The following LRRC7 variants were observed in gnomAD, a reference collection of about 807,000 sequenced individuals.
LRRC7 encodes the protein leucine rich repeat containing 7.
LRRC7 carries 23 observed loss-of-function variants against 175.7 expected under a neutral mutation model. That is an observed-to-expected ratio of 0.13 (90% confidence interval 0.09 to 0.19). The LOEUF is 0.19. Ranked by LOEUF, LRRC7 falls within the 10% of genes least tolerant of loss-of-function variation. The pLI is 1.00. For missense variants in LRRC7, 1,354 were observed against 1,904.7 expected (o/e 0.71, Z 5.38); for synonymous variants, 685 against 680.9 (o/e 1.01, Z -0.09).
At chr1:69,712,606 C>A (rs1004249887) in intron 2 of LRRC7, among the ~76,000 whole-genome samples, 3 of 151,950 alleles carry the variant, frequency 2.0e-5, no homozygotes, top group African/African-American at 7.3e-5. Flanking sequence ...CTCCATCTCA[C>A]AAAACAAACA....
intron 2 of LRRC7, among the ~76,000 whole-genome samples, chr1:69,717,709 A>T (rs1342812970): frequency 1.3e-5 from 2 of 149,792 alleles, no homozygotes; most frequent in Non-Finnish European, 3.0e-5. Flanking sequence ...TATTAGCTTT[A>T]GCTGAGAAGG....
intron 2 of LRRC7, among the ~76,000 whole-genome samples, chr1:69,717,499 A>G (rs1665507516): frequency 6.6e-6 from 1 of 151,728 alleles, no homozygotes; most frequent in Non-Finnish European, 1.5e-5. Flanking sequence ...CATTTTTATA[A>G]TGAAAATTAT....
chr1:69,978,374 G>A (rs188337375), intron 8 of LRRC7, among the ~76,000 whole-genome samples: 14 of 152,184 alleles, frequency 9.2e-5, no homozygotes, highest in Middle Eastern at 3.4e-3. Context: ...CAGTTCACCT[G>A]CCTGTTGCTA....
rs779984870 is a variant in LRRC7, at chr1:70,142,734, TC to T, written c.*20852del. On this transcript the variant is annotated 3_prime_UTR_variant, in exon 27 of 27. Transcript: ENST00000651989. ...TTCCACTTTATAACTGCCCAAGGGC[TC>T]CCCCAACCAGCTATATATAAGAAAA... 6.6e-6 allele frequency: 1 copy of T among 151,996 alleles called. No homozygotes were observed. Among genetic ancestry groups the T allele is most frequent in the Non-Finnish European group, 1.5e-5 (1 of 67,944 alleles). The allele number at this position is 151,996 out of a possible 1,614,324, so 9.4% of individuals were successfully genotyped here. A position where few individuals can be genotyped will look rare whatever the true frequency, so the allele number is the denominator to read the frequency against.
intron 3 of LRRC7, among the ~76,000 whole-genome samples, chr1:69,778,555 C>T (rs573318279): frequency 6.6e-6 from 1 of 152,180 alleles, no homozygotes; most frequent in East Asian, 1.9e-4. Context: ...TCAGGGAGGT[C>T]CACCTGGCAG....
In LRRC7 at chr1:69,588,278, G is replaced by A. The variant is rs140553468; in HGVS notation, c.2+19637G>A. Among the ~76,000 whole-genome samples, 542 of 152,014 alleles carry A rather than the reference G, an allele frequency of 3.6e-3. 4 individuals are homozygous for A. The highest frequency in any genetic ancestry group is 0.017 in the Middle Eastern group (5 of 292). On this transcript the variant is annotated intron_variant, in intron 1 of 26. Transcript: ENST00000651989. ...AGATGACCATTATTTTATCAGAAAT[G>A]GCATCTTATTTTTTTTGCATACCTA...
At chr1:70,059,505 G>A (rs1661412284) in intron 23 of LRRC7, among the ~76,000 whole-genome samples, 1 of 151,534 alleles carries the variant, frequency 6.6e-6, no homozygotes. Context: ...GTGTGTGTGT[G>A]TGTGTGTGTG....
chr1:70,021,169 T>A (rs1657454396), intron 16 of LRRC7, 40 bp downstream of exon 16: 2 of 1,586,386 alleles, frequency 1.3e-6, no homozygotes, highest in Non-Finnish European at 1.7e-6. Flanking sequence ...CTTCTCCTTA[T>A]CTTTTTGTTT....
intron 1 of LRRC7, among the ~76,000 whole-genome samples, chr1:69,569,982 A>G (rs1024674021): frequency 1.3e-5 from 2 of 151,028 alleles, no homozygotes; most frequent in African/African-American, 4.9e-5. Flanking sequence ...GCTCTTTTCA[A>G]TTACTTTCCC....
At chr1:69,750,851 G>A (rs1307005940) in intron 2 of LRRC7, among the ~76,000 whole-genome samples, 3 of 152,138 alleles carry the variant, frequency 2.0e-5, no homozygotes, top group African/African-American at 7.2e-5. Flanking sequence ...TTCTCAGAAG[G>A]CCCCACCTCT....
intron 2 of LRRC7, among the ~76,000 whole-genome samples, chr1:69,757,552 G>A (rs917915759): frequency 1.3e-5 from 2 of 151,952 alleles, no homozygotes; most frequent in African/African-American, 4.8e-5. Flanking sequence ...TACAAAAGAT[G>A]ACTAGAAGAG....
chr1:70,113,638 C>T (rs1373037766), intron 26 of LRRC7, among the ~76,000 whole-genome samples: 2 of 151,836 alleles, frequency 1.3e-5, no homozygotes, highest in Non-Finnish European at 2.9e-5. Flanking sequence ...GCAGATTGTA[C>T]TTCTAAAATC....
intron 1 of LRRC7, among the ~76,000 whole-genome samples, chr1:69,612,781 T>C (rs1364310675): frequency 6.6e-6 from 1 of 152,110 alleles, no homozygotes; most frequent in East Asian, 1.9e-4. Context: ...ATAGTCGTTT[T>C]TACAATTCTA....
chr1:69,641,937 T>G (rs935718307), intron 1 of LRRC7, among the ~76,000 whole-genome samples: 2 of 151,834 alleles, frequency 1.3e-5, no homozygotes, highest in Non-Finnish European at 2.9e-5. Flanking sequence ...AAGTTTTAAG[T>G]TGAATAAAGA....
rs1347214418 is a variant in LRRC7 at position 69,718,128 on chromosome 1, A to AAGAG, written c.100+39653_100+39654insGAGA. ...GAGAGAAAAAGAAAGAAAGAAAGAA[A>AAGAG]AGAAAGAAAGAGAGAGAAAGAAAGA... On this transcript the variant is annotated intron_variant, in intron 2 of 26. Coordinates refer to ENST00000651989, the MANE Select transcript of LRRC7 (RefSeq NM_001370785.2). Among the ~76,000 whole-genome samples, 22 of 67,826 alleles carry AAGAG rather than the reference A, an allele frequency of 3.2e-4. No homozygotes were observed. In the South Asian group the frequency reaches 5.8e-3, roughly 18 times the overall value. The allele number at this position is 67,826 out of a possible 152,430, so 44.5% of individuals were successfully genotyped here. A position where few individuals can be genotyped will look rare whatever the true frequency, so the allele number is the denominator to read the frequency against.
chr1:69,755,894 G>A (rs1310408821), intron 2 of LRRC7, among the ~76,000 whole-genome samples: 1 of 151,810 alleles, frequency 6.6e-6, no homozygotes, highest in Non-Finnish European at 1.5e-5. Flanking sequence ...GCTTTTGAGG[G>A]TTTCATTCTT....
chr1:69,820,389 T>A (rs1361383247), intron 4 of LRRC7, among the ~76,000 whole-genome samples: 1 of 152,190 alleles, frequency 6.6e-6, no homozygotes, highest in Non-Finnish European at 1.5e-5. Context: ...ATTATAATAC[T>A]TTAAGTTCTG....
chr1:70,064,385 A>G (rs1381742631), intron 23 of LRRC7, among the ~76,000 whole-genome samples: 4 of 151,906 alleles, frequency 2.6e-5, no homozygotes, highest in Admixed American at 6.6e-5. Context: ...CTCTCATATC[A>G]TCTTCACAAC....
At chr1:69,777,856 T>A (rs1334406156) in intron 3 of LRRC7, among the ~76,000 whole-genome samples, 1 of 152,190 alleles carries the variant, frequency 6.6e-6, no homozygotes. Flanking sequence ...TCCCCCATTC[T>A]ATTCCTCACA....
Sources: gnomAD v4.1 joint callset for allele counts (sites outside exome capture counted in the v4.1 genomes callset) on GRCh38, gnomAD v4.1.1 for gene constraint, MANE v1.5 for transcripts, NCBI Gene and HGNC (gene_info 2026-07-23, HGNC 2026-07-21) for gene names.